QTMAN: variants seen among roughly 807,000 people sequenced by gnomAD.
QTMAN encodes the protein queuosine-tRNA mannosyltransferase.
At chr2:144,099,645 T>C in the QTMAN span, among the ~76,000 whole-genome samples, 1 of 152,230 alleles carries the variant, frequency 6.6e-6, no homozygotes, top group African/African-American at 2.4e-5. Context: ...ATCTTCCATG[T>C]ATCCTGTACC....
At chr2:144,167,522 G>C in the QTMAN span, among the ~76,000 whole-genome samples, 1 of 152,136 alleles carries the variant, frequency 6.6e-6, no homozygotes, top group South Asian at 2.1e-4. Flanking sequence ...GGAGGTAATT[G>C]AATCACGGGG....
chr2:143,982,853 C>CAAAA, the QTMAN span, among the ~76,000 whole-genome samples: 14 of 60,948 alleles, frequency 2.3e-4, no homozygotes, highest in South Asian at 5.3e-4. Flanking sequence ...GACTCTGTCT[C>CAAAA]AAAAAAAAAA....
At chr2:144,017,396 A>G in the QTMAN span, among the ~76,000 whole-genome samples, 1 of 152,192 alleles carries the variant, frequency 6.6e-6, no homozygotes, top group East Asian at 1.9e-4. Context: ...GGTTGTGAAT[A>G]AAGTCATTTA....
the QTMAN span, among the ~76,000 whole-genome samples, chr2:144,021,723 G>C: frequency 6.6e-6 from 1 of 152,158 alleles, no homozygotes; most frequent in Non-Finnish European, 1.5e-5. Context: ...AAAATGAAGA[G>C]TTATTTGGGA....
chr2:144,027,555 T>C, the QTMAN span, among the ~76,000 whole-genome samples: 1 of 152,208 alleles, frequency 6.6e-6, no homozygotes, highest in East Asian at 1.9e-4. Flanking sequence ...TGTGTCACAG[T>C]ATTTGAAATG....
the QTMAN span, among the ~76,000 whole-genome samples, chr2:144,060,602 A>C: frequency 6.6e-6 from 1 of 152,152 alleles, no homozygotes; most frequent in East Asian, 1.9e-4. Flanking sequence ...CTGCTATCAG[A>C]TCTTTATATC....
At chr2:144,079,227 G>A in the QTMAN span, among the ~76,000 whole-genome samples, 12 of 152,000 alleles carry the variant, frequency 7.9e-5, no homozygotes, top group African/African-American at 2.9e-4. Context: ...TCATTCAAAA[G>A]GCAATTTTAA....
chr2:144,227,660 T>C, the QTMAN span, among the ~76,000 whole-genome samples: 3 of 152,208 alleles, frequency 2.0e-5, no homozygotes, highest in South Asian at 6.2e-4. Flanking sequence ...TACCAACACA[T>C]ATGCACTAAC....
At chr2:143,974,087 C>T in the QTMAN span, among the ~76,000 whole-genome samples, 1 of 152,232 alleles carries the variant, frequency 6.6e-6, no homozygotes, top group Admixed American at 6.5e-5. Flanking sequence ...GCATTAAATA[C>T]ATAGAATGTA....
the QTMAN span, chr2:144,332,297 G>A: frequency 1.3e-5 from 2 of 150,102 alleles, no homozygotes; most frequent in South Asian, 2.1e-4. Flanking sequence ...CCGGCTCCCC[G>A]CGCCGCAGCC....
chr2:144,176,838 T>C, the QTMAN span, among the ~76,000 whole-genome samples: 5 of 152,284 alleles, frequency 3.3e-5, no homozygotes, highest in East Asian at 9.6e-4. Flanking sequence ...GTTCTCACAT[T>C]GCTATAAAGA....
chr2:144,092,177 C>CTTT, the QTMAN span, among the ~76,000 whole-genome samples: 3 of 143,410 alleles, frequency 2.1e-5, no homozygotes. Flanking sequence ...AATTGTACAT[C>CTTT]TTTTTTTTTT....
the QTMAN span, among the ~76,000 whole-genome samples, chr2:144,105,734 A>C: frequency 1.6e-3 from 250 of 152,324 alleles, 2 homozygotes; most frequent in African/African-American, 5.7e-3. Flanking sequence ...GCAACATTCA[A>C]ATTCAGGAAA....
At chr2:144,302,215 C>A in the QTMAN span, among the ~76,000 whole-genome samples, 2 of 151,710 alleles carry the variant, frequency 1.3e-5, no homozygotes, top group Admixed American at 1.3e-4. Context: ...ACCACAAATA[C>A]TGCTTTTCCT....
chr2:144,076,761 A>T, the QTMAN span, among the ~76,000 whole-genome samples: 3 of 152,182 alleles, frequency 2.0e-5, no homozygotes, highest in Non-Finnish European at 4.4e-5. Flanking sequence ...ACAAGTTAGC[A>T]GCACTGTCAC....
chr2:144,187,089 A>G, the QTMAN span, among the ~76,000 whole-genome samples: 1 of 152,228 alleles, frequency 6.6e-6, no homozygotes, highest in Non-Finnish European at 1.5e-5. Flanking sequence ...CCTTATTCAT[A>G]CTACTCTGTG....
the QTMAN span, among the ~76,000 whole-genome samples, chr2:144,325,940 A>C: frequency 6.6e-6 from 1 of 152,208 alleles, no homozygotes; most frequent in Non-Finnish European, 1.5e-5. Flanking sequence ...AACCAAATTA[A>C]AGGTTTAGAC....
At chr2:144,128,763 G>A in the QTMAN span, among the ~76,000 whole-genome samples, 2 of 151,642 alleles carry the variant, frequency 1.3e-5, no homozygotes, top group East Asian at 3.9e-4. Flanking sequence ...GTTCTGAAAA[G>A]TTCTAATTCT....
the QTMAN span, among the ~76,000 whole-genome samples, chr2:144,179,905 T>G: frequency 6.6e-6 from 1 of 152,184 alleles, no homozygotes; most frequent in South Asian, 2.1e-4. Flanking sequence ...AGAATAATTT[T>G]AAAGCAAGAA....
Sources: allele counts gnomAD v4.1 joint callset (sites outside exome capture counted in the v4.1 genomes callset), GRCh38; gene constraint gnomAD v4.1.1; transcripts MANE v1.5; gene names NCBI Gene and HGNC (gene_info 2026-07-23, HGNC 2026-07-21).